Variants in SOS2 observed in about 807,000 individuals in gnomAD.
The protein encoded by SOS2 is son of sevenless homolog 2.
SOS2 carries 65 observed loss-of-function variants against 148.2 expected under a neutral mutation model. The observed-to-expected ratio is 0.44, with a 90% CI of 0.36 to 0.54. The LOEUF is 0.54. Ranked by LOEUF, SOS2 falls within the 20% of genes least tolerant of loss-of-function variation. The probability of loss-of-function intolerance (pLI) is 0.00; values close to 1 mark genes in which losing one functional copy is unlikely to be tolerated. For missense variants in SOS2, 1,341 were observed against 1,590.2 expected (o/e 0.84, Z 2.67); for synonymous variants, 539 against 537.1 (o/e 1.00, Z -0.05).
intron 6 of SOS2, among the ~76,000 whole-genome samples, 170 bp from the exon 7 acceptor site, chr14:50,180,852 G>T (rs1479726487): frequency 6.6e-6 from 1 of 151,110 alleles, no homozygotes; most frequent in Non-Finnish European, 1.5e-5. Context: ...CAAAAGAAAA[G>T]AAAGAAATGA....
At chr14:50,149,905 G>C in intron 14 of SOS2, 103 bp downstream of exon 14, 1 of 797,582 alleles carries the variant, frequency 1.3e-6, no homozygotes, top group Non-Finnish European at 2.1e-6. Context: ...GAGAGTAGAT[G>C]AGGTATTTTT....
rs1398275279 is a variant in SOS2 at position 50,190,916 on chromosome 14, A to C, written c.511-2216T>G. 2.6e-5 allele frequency among the ~76,000 whole-genome samples: 4 copies of C among 152,182 alleles called. No individual in the cohort carries two copies. In the South Asian group the frequency reaches 6.2e-4, roughly 24 times the overall value. ...ACTCTGATTTCAAACAGACATGCAA[A>C]ATAAAGGAAGACATAAGACATAAAA... is the stretch of plus-strand genomic sequence containing the variant. On this transcript the variant is annotated intron_variant, in intron 4 of 22. Transcript: ENST00000216373.
intron 8 of SOS2, among the ~76,000 whole-genome samples, chr14:50,166,027 A>G (rs1240278148): frequency 1.3e-5 from 2 of 152,126 alleles, no homozygotes; most frequent in Non-Finnish European, 2.9e-5. Context: ...GCTACGCAAA[A>G]CACTGGTCTG....
At chr14:50,121,632 A>G (rs868255176) in intron 21 of SOS2, among the ~76,000 whole-genome samples, 1 of 134,290 alleles carries the variant, frequency 7.4e-6, no homozygotes, top group Non-Finnish European at 1.6e-5. Context: ...GGATGTTCCT[A>G]AACACTCTGA....
chr14:50,198,165 T>C (rs1487246867), intron 4 of SOS2, among the ~76,000 whole-genome samples: 2 of 152,170 alleles, frequency 1.3e-5, no homozygotes, highest in Non-Finnish European at 2.9e-5. Context: ...GAAAGTTAGA[T>C]GGTATAATGT....
chr14:50,118,650 T>C lies in SOS2; in HGVS notation c.3693A>G (p.Pro1231=). Residue 1231 remains proline, a synonymous_variant, in exon 23 of 23, where the codon CCA becomes CCG. Coordinates refer to ENST00000216373, the MANE Select transcript of SOS2 (RefSeq NM_006939.4). ...LRPPEHFINC[P]FNLQPPPLGH... is the part of the protein sequence containing the mutation. ...CCAGTGGAGGTGGCTGAAGATTAAA[T>C]GGACAGTTTATAAAGTGTTCTGGAG... 1 of 1,613,944 alleles carries C rather than the reference T, an allele frequency of 6.2e-7. No individual in the cohort carries two copies. Among genetic ancestry groups the C allele is most frequent in the Non-Finnish European group, 8.5e-7 (1 of 1,179,982 alleles).
At chr14:50,158,228 G>A (rs1192852097) in intron 11 of SOS2, among the ~76,000 whole-genome samples, 2 of 150,520 alleles carry the variant, frequency 1.3e-5, no homozygotes, top group African/African-American at 2.4e-5. Context: ...AGTAGTCTAC[G>A]GTCCAAAAAA....
intron 1 of SOS2, among the ~76,000 whole-genome samples, chr14:50,213,335 C>T (rs78719538): frequency 6.6e-6 from 1 of 152,050 alleles, no homozygotes. Flanking sequence ...GAAAAACACA[C>T]AAACAAGAAA....
At chr14:50,140,585 G>C (rs1348679293) in intron 16 of SOS2, among the ~76,000 whole-genome samples, 11 of 152,072 alleles carry the variant, frequency 7.2e-5, no homozygotes, top group Admixed American at 4.6e-4. Context: ...GTAAACCCCA[G>C]AGCGAACACT....
Position 50,145,254 on chromosome 14 carries a change from T to C in SOS2, c.2583A>G (p.Gln861=). The change falls in exon 16 of 23, where the codon CAA becomes CAG. Residue 861 remains glutamine, a synonymous_variant. Transcript: ENST00000216373. ...ATACGCCATTGAAATTATTCAAATCTTGAAAAACTTGCAGAATTTCTATAA... is the reference window on the plus strand; with the variant it reads ...ATACGCCATTGAAATTATTCAAATCCTGAAAAACTTGCAGAATTTCTATAA... ...SRIIEILQVF[Q]DLNNFNGVLE... is the part of the protein sequence containing the mutation. The C allele has an allele frequency of 6.2e-7, 1 of 1,612,750 alleles. No individual in the cohort carries two copies. The highest frequency in any genetic ancestry group is 8.5e-7 in the Non-Finnish European group (1 of 1,179,144).
chr14:50,139,239 T>C, intron 17 of SOS2, among the ~76,000 whole-genome samples: 1 of 152,130 alleles, frequency 6.6e-6, no homozygotes, highest in East Asian at 1.9e-4. Flanking sequence ...TCAGAGACTG[T>C]AATTTAGATA....
intron 8 of SOS2, among the ~76,000 whole-genome samples, chr14:50,167,686 T>A (rs1027509500): frequency 5.3e-5 from 8 of 151,956 alleles, no homozygotes; most frequent in African/African-American, 1.9e-4. Context: ...CTGGCCAACA[T>A]GATGAAACCC....
intron 8 of SOS2, among the ~76,000 whole-genome samples, chr14:50,172,641 T>C (rs1885405360): frequency 6.6e-6 from 1 of 151,994 alleles, no homozygotes; most frequent in African/African-American, 2.4e-5. Context: ...AGTGCTGGGA[T>C]TACAGGCATG....
intron 1 of SOS2, among the ~76,000 whole-genome samples, chr14:50,222,601 G>A (rs1595037473): frequency 1.3e-5 from 2 of 152,208 alleles, no homozygotes; most frequent in African/African-American, 2.4e-5. Flanking sequence ...GGCCAGCCAC[G>A]TGATTATCTG....
chr14:50,218,776 T>A (rs2139845635), intron 1 of SOS2, among the ~76,000 whole-genome samples: 1 of 152,262 alleles, frequency 6.6e-6, no homozygotes, highest in Middle Eastern at 3.4e-3. Context: ...CTGGTGGGAA[T>A]GTAAAACTAT....
chr14:50,130,674 T>G lies in SOS2; in HGVS notation c.3164A>C (p.His1055Pro). The change falls in exon 20 of 23, where the codon CAC (histidine) becomes CCC (proline). Residue 1055 changes from histidine (H) to proline (P), a missense_variant. Physicochemically the swap from His to Pro is moderately conservative, Grantham distance 77. This residue lies in a region of SOS2 where 354 missense variants were observed against 347.7 expected (regional missense o/e 1.02). Transcript: ENST00000216373. The stretch of plus-strand genomic sequence containing the variant: ...TGGTTCTCTTTCTAATGGTGTTGGG[T>G]GACCTCGTAAAGTACCTGAGGTAGA... ...HGSTSGTLRG[H>P]PTPLEREPCK... is the part of the protein sequence containing the mutation. The G allele has an allele frequency of 6.2e-7, 1 of 1,613,978 alleles. No homozygotes were observed. The highest frequency in any genetic ancestry group is 2.2e-5 in the East Asian group (1 of 44,892).
Position 50,222,124 on chromosome 14 carries a change from T to C in SOS2, c.87+9073A>G, listed in dbSNP as rs75605461. On this transcript the variant is annotated intron_variant, in intron 1 of 22. Transcript: ENST00000216373. ...GATGGTGGATATCAAATTATTTTGG[T>C]ATTTAAATTCCATTCAGCACATTTA... Among the ~76,000 whole-genome samples, 882 of 152,304 alleles carry C rather than the reference T, an allele frequency of 5.8e-3. 11 individuals carry two copies. The highest frequency in any genetic ancestry group is 0.019 in the African/African-American group (791 of 41,572).
intron 2 of SOS2, among the ~76,000 whole-genome samples, chr14:50,201,923 C>G (rs1886503733): frequency 1.3e-5 from 2 of 152,170 alleles, no homozygotes; most frequent in Non-Finnish European, 1.5e-5. Flanking sequence ...CAAAAACAAT[C>G]TTAGCCTTTG....
At chr14:50,121,095 C>T (rs1462663055) in intron 21 of SOS2, among the ~76,000 whole-genome samples, 2 of 152,050 alleles carry the variant, frequency 1.3e-5, no homozygotes, top group East Asian at 3.9e-4. Flanking sequence ...GGTAATAAAA[C>T]CCTCCATATA....
Sources: gnomAD v4.1 joint callset for allele counts (sites outside exome capture counted in the v4.1 genomes callset) on GRCh38, gnomAD v4.1.1 for gene constraint, gnomAD v4.1.1 regional missense constraint, MANE v1.5 for transcripts, NCBI Gene and HGNC (gene_info 2026-07-23, HGNC 2026-07-21) for gene names.